The following ERI1 variants were observed in gnomAD, a reference collection of about 807,000 sequenced individuals.
ERI1 encodes the protein exoribonuclease 1, also known as 3'-5' exoribonuclease 1.
A neutral mutation model predicts 39.7 loss-of-function variants in ERI1; 39 were observed. The observed-to-expected ratio is 0.98, with a 90% CI of 0.76 to 1.28. ERI1 has a LOEUF of 1.28. ERI1 is among the 50% of genes most tolerant of loss of function. The probability of loss-of-function intolerance (pLI) is 0.00; values close to 1 mark genes in which losing one functional copy is unlikely to be tolerated. For synonymous variants in ERI1, 204 were observed against 149.6 expected (o/e 1.36, Z -2.65); for missense variants, 581 against 416.9 (o/e 1.39, Z -3.43).
intron 3 of ERI1, among the ~76,000 whole-genome samples, chr8:9,092,066 C>T (rs1389591993): frequency 3.3e-5 from 5 of 152,184 alleles, no homozygotes; most frequent in Non-Finnish European, 7.3e-5. Flanking sequence ...AAGTGATCCT[C>T]CTACCTCAGC....
chr8:9,082,397 C>T (rs1489330083), intron 3 of ERI1, among the ~76,000 whole-genome samples: 2 of 152,190 alleles, frequency 1.3e-5, no homozygotes, highest in Non-Finnish European at 2.9e-5. Flanking sequence ...GGCTTCTCTG[C>T]CATGGAAACC....
rs116032192 is a variant in ERI1, at chr8:9,044,304, C to T, written n.299+23840C>T. ...AGCTCCTTACATTTTCTCTGATTAG[C>T]GGATAAGTGATCCCGGATCCTGGAA... On this transcript the variant is annotated intron_variant and non_coding_transcript_variant, in intron 3 of 3. Coordinates refer to the ERI1 transcript ENST00000518663. Among the ~76,000 whole-genome samples the T allele has an allele frequency of 6.8e-3, 1,029 of 152,222 alleles. 7 individuals carry two copies. The highest frequency in any genetic ancestry group is 0.023 in the African/African-American group (972 of 41,522).
intron 3 of ERI1, among the ~76,000 whole-genome samples, chr8:9,069,065 C>A (rs1798972377): frequency 6.6e-6 from 1 of 152,196 alleles, no homozygotes; most frequent in South Asian, 2.1e-4. Flanking sequence ...GCCGTCCTCC[C>A]ACCTCAGCCT....
chr8:9,032,409 A>T lies in ERI1; in HGVS notation c.*2375A>T, dbSNP rs1019003762. The T allele has an allele frequency of 6.6e-6, 1 of 152,136 alleles. No individual in the cohort carries two copies. The highest frequency in any genetic ancestry group is 2.4e-5 in the African/African-American group (1 of 41,416). The allele number at this position is 152,136 out of a possible 1,614,324, so 9.4% of individuals were successfully genotyped here. On this transcript the variant is annotated 3_prime_UTR_variant, in exon 7 of 7. Transcript: ENST00000250263. ...TTCAAATCCGCAATCTTTATAACCA[A>T]CTGAAGTATATAATAGAGCATTACA...
chr8:9,082,786 TAG>T (rs922155034), intron 3 of ERI1, among the ~76,000 whole-genome samples: 1 of 151,990 alleles, frequency 6.6e-6, no homozygotes. Context: ...TCTAGAAACA[TAG>T]AGAAAGTGAA....
intron 4 of ERI1, 44 bp from the exon 5 acceptor site, chr8:9,018,253 A>C: frequency 5.3e-6 from 6 of 1,141,078 alleles, no homozygotes; most frequent in African/African-American, 3.1e-5. Context: ...GTCTACGTGA[A>C]GCTGCAGCCC....
At chr8:9,006,254 G>C (rs1229127151) in intron 1 of ERI1, among the ~76,000 whole-genome samples, 2 of 152,184 alleles carry the variant, frequency 1.3e-5, no homozygotes, top group African/African-American at 2.4e-5. Context: ...TTGGACCTCG[G>C]CTGTCTCTAG....
chr8:9,040,957 T>C lies in ERI1; in HGVS notation n.299+20493T>C, dbSNP rs186802426. ...ATTATTCCCACCTCGGTCTAGTGCTTACTCAGTCCTGGGCCATGCTGAAAT... is the reference window on the plus strand; with the variant it reads ...ATTATTCCCACCTCGGTCTAGTGCTCACTCAGTCCTGGGCCATGCTGAAAT... On this transcript the variant is annotated intron_variant and non_coding_transcript_variant, in intron 3 of 3. Transcript: ENST00000518663. Among the ~76,000 whole-genome samples the C allele has an allele frequency of 2.6e-5, 4 of 152,298 alleles. No individual in the cohort carries two copies. The East Asian group carries it at 5.8e-4, about 22-fold the overall frequency.
In ERI1 at chr8:9,016,401, C is replaced by T; in HGVS notation, c.578C>T (p.Thr193Ile). ...TTCTGCATCAGTCTAACTGGAATTA[C>T]TCAGGTTATAATTCTAAGTTCTTCT... The part of the protein sequence containing the change: ...SDFCISLTGI[T>I]QDQVDRADTF... The change falls in exon 4 of 7, where the codon ACT becomes ATT. Residue 193 changes from threonine (T) to isoleucine (I), a missense_variant. Thr to Ile is a moderately conservative substitution (Grantham distance 89, BLOSUM62 -1). Transcript: ENST00000250263. 1 of 1,593,460 alleles carries T rather than the reference C, an allele frequency of 6.3e-7. No individual in the cohort carries two copies. The highest frequency in any genetic ancestry group is 1.1e-5 in the South Asian group (1 of 89,048).
chr8:9,016,286 T>A, intron 3 of ERI1, 36 bp from the exon 4 acceptor site: 2 of 1,376,460 alleles, frequency 1.5e-6, no homozygotes, highest in East Asian at 2.3e-5. Context: ...TCTTAACTCA[T>A]ATAAATTACT....
At chr8:9,010,002 T>G (rs1200987642) in intron 2 of ERI1, among the ~76,000 whole-genome samples, 2 of 152,128 alleles carry the variant, frequency 1.3e-5, no homozygotes, top group African/African-American at 2.4e-5. Flanking sequence ...AAGCAGAAAA[T>G]TGGTGTTAGT....
At chr8:9,070,897 CATG>C (rs1370366457) in intron 3 of ERI1, among the ~76,000 whole-genome samples, 1 of 152,178 alleles carries the variant, frequency 6.6e-6, no homozygotes, top group Non-Finnish European at 1.5e-5. Flanking sequence ...GGCAGGGAAT[CATG>C]GTGGTGGCCC....
chr8:9,042,800 A>G (rs1177620447), intron 3 of ERI1, among the ~76,000 whole-genome samples: 1 of 152,246 alleles, frequency 6.6e-6, no homozygotes, highest in Non-Finnish European at 1.5e-5. Flanking sequence ...AAATATCAAT[A>G]TAATACGGAT....
At chr8:9,067,443 A>T (rs146884147) in intron 3 of ERI1, among the ~76,000 whole-genome samples, 1 of 151,270 alleles carries the variant, frequency 6.6e-6, no homozygotes, top group East Asian at 1.9e-4. Context: ...TAGAAGGGAA[A>T]AAAGAAAGGT....
At chr8:9,068,007 A>T (rs1798935941) in intron 3 of ERI1, among the ~76,000 whole-genome samples, 2 of 152,178 alleles carry the variant, frequency 1.3e-5, no homozygotes, top group African/African-American at 4.8e-5. Context: ...CCTTCCCCCA[A>T]GCAAGAAGTT....
chr8:9,072,958 A>G (rs565724182), intron 3 of ERI1, among the ~76,000 whole-genome samples: 20 of 152,248 alleles, frequency 1.3e-4, no homozygotes, highest in African/African-American at 4.3e-4. Context: ...AAATACAAAA[A>G]CATTTTGTGG....
At chr8:9,008,185 ACAT>A in intron 2 of ERI1, 37 bp downstream of exon 2, 1 of 1,440,804 alleles carries the variant, frequency 6.9e-7, no homozygotes, top group Non-Finnish European at 9.3e-7. Flanking sequence ...TAAAAGTAGT[ACAT>A]GCTCATTTTA....
rs573142659 is a variant in ERI1 at position 9,032,839 on chromosome 8, A to G, written c.*2805A>G. ...CTCAGCTGTAGTTGCCAAAGAAACT[A>G]CCTGCCTCACAGATGAGCACGCACG... On this transcript the variant is annotated 3_prime_UTR_variant, in exon 7 of 7. Transcript: ENST00000250263. 8 of 152,322 alleles carry G rather than the reference A, an allele frequency of 5.3e-5. No individual in the cohort carries two copies. In the East Asian group the frequency reaches 1.5e-3, roughly 29 times the overall value. The allele number at this position is 152,322 out of a possible 1,614,324, so 9.4% of individuals were successfully genotyped here. A position where few individuals can be genotyped will look rare whatever the true frequency, so the allele number is the denominator to read the frequency against.
chr8:9,090,858 A>T (rs2117476798), intron 3 of ERI1, among the ~76,000 whole-genome samples: 1 of 152,324 alleles, frequency 6.6e-6, no homozygotes, highest in East Asian at 1.9e-4. Context: ...AAGACAGAGA[A>T]GAAATATTCC....
Sources: gnomAD v4.1 joint callset for allele counts (sites outside exome capture counted in the v4.1 genomes callset) on GRCh38, gnomAD v4.1.1 for gene constraint, MANE v1.5 for transcripts, NCBI Gene and HGNC (gene_info 2026-07-23, HGNC 2026-07-21) for gene names.